Variants in ASTN1 observed in about 807,000 individuals in gnomAD.
The protein encoded by ASTN1 is astrotactin-1.
Under a neutral mutation model 140.7 loss-of-function variants are expected in ASTN1, and 41 were observed. That is an observed-to-expected ratio of 0.29 (90% CI 0.23 to 0.38). The LOEUF (loss-of-function observed/expected upper bound fraction) is 0.38. Ranked by LOEUF, ASTN1 falls within the 10% of genes least tolerant of loss-of-function variation. ASTN1 has a pLI of 1.00. For missense variants in ASTN1, 1,479 were observed against 1,678.8 expected (o/e 0.88, Z 2.08); for synonymous variants, 640 against 652.2 (o/e 0.98, Z 0.29).
At position 177,163,376 on chromosome 1, in the gene ASTN1, G is replaced by A. The variant is rs554968499; in HGVS notation, c.283+1018C>T. Among the ~76,000 whole-genome samples the A allele has an allele frequency of 2.0e-5, 3 of 152,282 alleles. No individual in the cohort carries two copies. In the South Asian group the frequency reaches 6.2e-4, roughly 32 times the overall value. On this transcript the variant is annotated intron_variant, in intron 1 of 22. Transcript: ENST00000361833. ...CAAGGTGAGAGCTCCATCTACACAT[G>A]GAGAAGTGAGGGGAATTTGGCAAAG...
intron 2 of ASTN1, among the ~76,000 whole-genome samples, chr1:177,034,690 G>A (rs943345261): frequency 5.3e-5 from 8 of 152,090 alleles, no homozygotes; most frequent in African/African-American, 1.9e-4. Flanking sequence ...TGTCCAACCT[G>A]ACATTTTTTT....
At chr1:177,008,433 G>C (rs1414782005) in intron 8 of ASTN1, among the ~76,000 whole-genome samples, 1 of 150,264 alleles carries the variant, frequency 6.7e-6, no homozygotes, top group Non-Finnish European at 1.5e-5. Flanking sequence ...TGGAGAGGAA[G>C]ACAGAGAGGA....
chr1:177,088,071 C>G (rs115065682), intron 1 of ASTN1, among the ~76,000 whole-genome samples: 1,647 of 152,306 alleles, frequency 0.011, 18 homozygotes, highest in Middle Eastern at 0.037. Context: ...CTACCTTCAA[C>G]TCCGGTGATA....
intron 11 of ASTN1, among the ~76,000 whole-genome samples, chr1:176,952,202 A>G (rs1315964750): frequency 2.0e-5 from 3 of 152,138 alleles, no homozygotes; most frequent in Admixed American, 6.5e-5. Context: ...TCTGGGGTCA[A>G]TTATGGATTT....
At chr1:177,155,835 T>G (rs1021664735) in intron 1 of ASTN1, among the ~76,000 whole-genome samples, 1 of 152,190 alleles carries the variant, frequency 6.6e-6, no homozygotes, top group Non-Finnish European at 1.5e-5. Flanking sequence ...TAGAAATATT[T>G]ACAGATAGAT....
At chr1:177,120,419 G>A (rs1681326647) in intron 1 of ASTN1, among the ~76,000 whole-genome samples, 1 of 152,252 alleles carries the variant, frequency 6.6e-6, no homozygotes, top group African/African-American at 2.4e-5. Context: ...GCATCCCAAA[G>A]GGGTTTTCTT....
intron 2 of ASTN1, among the ~76,000 whole-genome samples, chr1:177,036,703 A>G (rs1442316649): frequency 6.6e-6 from 1 of 152,206 alleles, no homozygotes; most frequent in Non-Finnish European, 1.5e-5. Flanking sequence ...ACACTAGGAA[A>G]AGGCAGGGGT....
intron 1 of ASTN1, among the ~76,000 whole-genome samples, chr1:177,100,338 C>A (rs557104939): frequency 6.6e-6 from 1 of 152,076 alleles, no homozygotes; most frequent in Admixed American, 6.5e-5. Flanking sequence ...TAAAAAAAAG[C>A]CTTAGGCAAC....
At chr1:177,049,356 A>G (rs916513224) in intron 2 of ASTN1, among the ~76,000 whole-genome samples, 2 of 152,208 alleles carry the variant, frequency 1.3e-5, no homozygotes, top group African/African-American at 4.8e-5. Flanking sequence ...AATCAACTAT[A>G]ACATCAAACC....
chr1:177,144,481 T>C (rs561078924), intron 1 of ASTN1, among the ~76,000 whole-genome samples: 71 of 150,484 alleles, frequency 4.7e-4, no homozygotes, highest in African/African-American at 1.7e-3. Context: ...CTTGATCTCC[T>C]GACCTCGTGA....
In ASTN1 at chr1:176,862,494, GCT is replaced by G; in HGVS notation, c.*1788_*1789del. ...GCCACAGATGCTTGGGAAAGGTAAA[GCT>G]CTCTGGGCAGGTTCCCTGTGGGGCT... On this transcript the variant is annotated 3_prime_UTR_variant, in exon 23 of 23. Coordinates refer to ENST00000361833, the MANE Select transcript of ASTN1 (RefSeq NM_004319.3). 1 of 985,412 alleles carries G rather than the reference GCT, an allele frequency of 1.0e-6. No individual in the cohort carries two copies. The highest frequency in any genetic ancestry group is 1.2e-6 in the Non-Finnish European group (1 of 829,952). The allele number at this position is 985,412 out of a possible 1,614,324, so 61.0% of individuals were successfully genotyped here.
At chr1:177,097,979 T>A (rs1206161643) in intron 1 of ASTN1, among the ~76,000 whole-genome samples, 1 of 152,154 alleles carries the variant, frequency 6.6e-6, no homozygotes, top group Non-Finnish European at 1.5e-5. Flanking sequence ...CCCTTCCATA[T>A]CTATCTCTTG....
chr1:177,162,302 G>C (rs1647427188), intron 1 of ASTN1, among the ~76,000 whole-genome samples: 1 of 152,214 alleles, frequency 6.6e-6, no homozygotes, highest in South Asian at 2.1e-4. Flanking sequence ...GAGTCAGAAA[G>C]AATAAGTACC....
At chr1:177,125,682 G>A (rs1375285262) in intron 1 of ASTN1, among the ~76,000 whole-genome samples, 1 of 152,296 alleles carries the variant, frequency 6.6e-6, no homozygotes, top group East Asian at 1.9e-4. Flanking sequence ...ATGACACCAA[G>A]TATATTACAC....
chr1:176,903,500 G>C (rs1043651316), intron 16 of ASTN1, among the ~76,000 whole-genome samples: 1 of 152,122 alleles, frequency 6.6e-6, no homozygotes, highest in African/African-American at 2.4e-5. Context: ...CTAGCACTCG[G>C]TACTCTGCAG....
At chr1:177,047,259 G>C (rs1218581881) in intron 2 of ASTN1, among the ~76,000 whole-genome samples, 1 of 152,178 alleles carries the variant, frequency 6.6e-6, no homozygotes, top group East Asian at 1.9e-4. Flanking sequence ...AGAGTAGAAA[G>C]AGGTGGCCTC....
chr1:177,002,973 A>G (rs918473510), intron 8 of ASTN1, among the ~76,000 whole-genome samples: 1 of 144,824 alleles, frequency 6.9e-6, no homozygotes, highest in Non-Finnish European at 1.5e-5. Context: ...AATCGGTAAT[A>G]AAAAAAAAAG....
chr1:177,056,975 G>A (rs79737396), intron 2 of ASTN1, among the ~76,000 whole-genome samples: 1,923 of 152,232 alleles, frequency 0.013, 26 homozygotes, highest in Non-Finnish European at 0.02. Flanking sequence ...TGAAGAGTTT[G>A]CAAAAGAGTA....
chr1:177,037,321 A>G (rs967551538), intron 2 of ASTN1, among the ~76,000 whole-genome samples: 4 of 152,216 alleles, frequency 2.6e-5, no homozygotes, highest in African/African-American at 7.2e-5. Flanking sequence ...CGAGATGCAC[A>G]TATCTCACAC....
Sources: allele counts gnomAD v4.1 joint callset (sites outside exome capture counted in the v4.1 genomes callset), GRCh38; gene constraint gnomAD v4.1.1; transcripts MANE v1.5; gene names NCBI Gene and HGNC (gene_info 2026-07-23, HGNC 2026-07-21).